Variants in MBD5 observed in about 807,000 individuals in gnomAD.
The protein encoded by MBD5 is methyl-CpG binding domain protein 5, also known as methyl-CpG-binding domain protein 5.
In MBD5, 13 loss-of-function variants were observed where a neutral mutation model predicts 117.3. The ratio of observed to expected loss-of-function variants is 0.11; its 90% CI spans 0.07 to 0.18. The LOEUF (loss-of-function observed/expected upper bound fraction) is 0.18, where lower values mean the gene tolerates loss of function less well. MBD5 is among the 10% of genes least tolerant of loss of function. MBD5 has a pLI of 1.00. For synonymous variants in MBD5, 727 were observed against 766.4 expected, an observed-to-expected ratio of 0.95 and a Z score of 0.85; for missense variants, 1,879 against 2,093.8, an observed-to-expected ratio of 0.90 and a Z score of 2.00.
chr2:148,282,566 G>A (rs774823214), intron 3 of MBD5, among the ~76,000 whole-genome samples: 23 of 151,670 alleles, frequency 1.5e-4, no homozygotes, highest in Non-Finnish European at 3.2e-4. Context: ...TAATGTGTGT[G>A]TGTGTATATA....
chr2:148,104,441 T>C (rs1678239152), intron 1 of MBD5, among the ~76,000 whole-genome samples: 1 of 152,202 alleles, frequency 6.6e-6, no homozygotes, highest in Admixed American at 6.5e-5. Context: ...ATTATGCTTA[T>C]TTGTCCCAAC....
chr2:148,060,538 G>A (rs959232151), intron 1 of MBD5, among the ~76,000 whole-genome samples: 2 of 152,126 alleles, frequency 1.3e-5, no homozygotes, highest in African/African-American at 4.8e-5. Flanking sequence ...GGCATGGACT[G>A]TTCTCACATA....
intron 3 of MBD5, among the ~76,000 whole-genome samples, chr2:148,335,446 A>G (rs1046428931): frequency 6.6e-6 from 1 of 152,112 alleles, no homozygotes; most frequent in Non-Finnish European, 1.5e-5. Context: ...AAGGCTGAGC[A>G]TGGGGCTCAC....
chr2:148,168,738 G>A (rs1181281159), intron 1 of MBD5, among the ~76,000 whole-genome samples: 1 of 151,894 alleles, frequency 6.6e-6, no homozygotes, highest in East Asian at 1.9e-4. Context: ...GCGAGACCCT[G>A]TCTCAAATTA....
At chr2:148,056,023 T>G (rs1694853271) in intron 1 of MBD5, 1 of 152,200 alleles carries the variant, frequency 6.6e-6, no homozygotes, top group Non-Finnish European at 1.5e-5. Flanking sequence ...TTTAATTTTA[T>G]GTCCAAGACC....
At chr2:148,157,591 A>G (rs1359712564) in intron 1 of MBD5, among the ~76,000 whole-genome samples, 1 of 152,190 alleles carries the variant, frequency 6.6e-6, no homozygotes, top group Admixed American at 6.5e-5. Flanking sequence ...CCTCATAGAT[A>G]ACATCTCAGA....
At chr2:148,420,719 G>A (rs1705576918) in intron 4 of MBD5, among the ~76,000 whole-genome samples, 1 of 151,636 alleles carries the variant, frequency 6.6e-6, no homozygotes, top group Non-Finnish European at 1.5e-5. Context: ...GTTTTGTTTT[G>A]TTTTGTTTTG....
intron 4 of MBD5, among the ~76,000 whole-genome samples, chr2:148,415,031 A>G (rs1011338220): frequency 6.6e-6 from 1 of 152,108 alleles, no homozygotes; most frequent in Non-Finnish European, 1.5e-5. Flanking sequence ...GTTATTATGC[A>G]GATTTGATTG....
chr2:148,332,767 A>G (rs751271517), intron 3 of MBD5, among the ~76,000 whole-genome samples: 2 of 152,084 alleles, frequency 1.3e-5, no homozygotes, highest in Non-Finnish European at 2.9e-5. Flanking sequence ...TTGGAGGCCT[A>G]TTTTCATTCA....
At chr2:148,112,068 T>C (rs1051709293) in intron 1 of MBD5, among the ~76,000 whole-genome samples, 2 of 152,150 alleles carry the variant, frequency 1.3e-5, no homozygotes, top group African/African-American at 2.4e-5. Flanking sequence ...ACTGTACATA[T>C]ACACAAACAC....
intron 1 of MBD5, among the ~76,000 whole-genome samples, chr2:148,131,268 C>G (rs1296860393): frequency 1.3e-5 from 2 of 152,030 alleles, no homozygotes; most frequent in Non-Finnish European, 2.9e-5. Context: ...TCTTGGTCAT[C>G]TTTATTTTAT....
intron 4 of MBD5, among the ~76,000 whole-genome samples, chr2:148,426,677 T>C (rs1051000389): frequency 1.3e-5 from 2 of 152,110 alleles, no homozygotes; most frequent in African/African-American, 2.4e-5. Flanking sequence ...ACTTACATGT[T>C]AGACCTAAAA....
chr2:148,445,405 C>T (rs1355318021), intron 4 of MBD5, among the ~76,000 whole-genome samples: 23 of 150,678 alleles, frequency 1.5e-4, no homozygotes, highest in Non-Finnish European at 2.5e-4. Context: ...TTTGTCCTTG[C>T]GATAGTTTGC....
At chr2:148,419,685 A>G (rs1705537678) in intron 4 of MBD5, among the ~76,000 whole-genome samples, 1 of 151,982 alleles carries the variant, frequency 6.6e-6, no homozygotes, top group Admixed American at 6.6e-5. Context: ...TGGTAAGGTA[A>G]TTTACCTTGC....
At chr2:148,507,482 G>A (rs569372476) in intron 12 of MBD5, among the ~76,000 whole-genome samples, 2 of 152,220 alleles carry the variant, frequency 1.3e-5, no homozygotes, top group East Asian at 3.9e-4. Flanking sequence ...TACTTGGGCC[G>A]GGCGCGGTGG....
chr2:148,103,516 G>A (rs1038179543), intron 1 of MBD5, among the ~76,000 whole-genome samples: 9 of 152,110 alleles, frequency 5.9e-5, no homozygotes, highest in East Asian at 3.9e-4. Context: ...AGGAAGCAAC[G>A]CAACCTGTTG....
chr2:148,026,529 G>A (rs1030867305), intron 1 of MBD5: 1 of 152,082 alleles, frequency 6.6e-6, no homozygotes, highest in Non-Finnish European at 1.5e-5. Context: ...CCAGCTACTC[G>A]GAGGCTGAGG....
intron 3 of MBD5, among the ~76,000 whole-genome samples, chr2:148,340,993 G>A (rs932831349): frequency 2.6e-5 from 4 of 151,984 alleles, no homozygotes; most frequent in South Asian, 2.1e-4. Flanking sequence ...CTGTGGCCCA[G>A]AGAAGATAAG....
At chr2:148,331,200 C>T (rs760814800) in intron 3 of MBD5, among the ~76,000 whole-genome samples, 25 of 152,082 alleles carry the variant, frequency 1.6e-4, no homozygotes, top group Admixed American at 1.2e-3. Context: ...TTTATAAATG[C>T]CTACTTAGTT....
Sources: gnomAD v4.1 joint callset for allele counts (sites outside exome capture counted in the v4.1 genomes callset) on GRCh38, gnomAD v4.1.1 for gene constraint, MANE v1.5 for transcripts, NCBI Gene and HGNC (gene_info 2026-07-23, HGNC 2026-07-21) for gene names.